The following MRAP2 variants were observed in gnomAD, a reference collection of about 807,000 sequenced individuals.
The protein encoded by MRAP2 is melanocortin 2 receptor accessory protein 2.
A neutral mutation model predicts 17.4 loss-of-function variants in MRAP2; 20 were observed. The ratio of observed to expected loss-of-function variants is 1.15; its 90% CI spans 0.81 to 1.67. The LOEUF (loss-of-function observed/expected upper bound fraction) is 1.67. Ranked by LOEUF, MRAP2 falls within the 40% of genes most tolerant of loss-of-function variation. MRAP2 has a pLI of 0.00. For missense variants in MRAP2, 238 were observed against 240.0 expected, an observed-to-expected ratio of 0.99 and a Z score of 0.05; for synonymous variants, 96 against 88.4, an observed-to-expected ratio of 1.09 and a Z score of -0.48.
At chr6:84,039,584 A>G (rs1372495753) in intron 1 of MRAP2, among the ~76,000 whole-genome samples, 2 of 152,228 alleles carry the variant, frequency 1.3e-5, no homozygotes, top group African/African-American at 4.8e-5. Flanking sequence ...TTAAAATCTG[A>G]GTTTAATTGT....
At chr6:84,118,476 C>T in the MRAP2 span, among the ~76,000 whole-genome samples, 1 of 152,170 alleles carries the variant, frequency 6.6e-6, no homozygotes, top group African/African-American at 2.4e-5. Flanking sequence ...TGGGAGGTCC[C>T]GCCCCATGAA....
At chr6:84,098,563 T>G in the MRAP2 span, among the ~76,000 whole-genome samples, 1 of 152,150 alleles carries the variant, frequency 6.6e-6, no homozygotes, top group Admixed American at 6.5e-5. Flanking sequence ...TCCAAAATGG[T>G]TGTATGATTT....
At chr6:84,071,811 A>G (rs1383331213) in intron 3 of MRAP2, among the ~76,000 whole-genome samples, 1 of 152,150 alleles carries the variant, frequency 6.6e-6, no homozygotes, top group Non-Finnish European at 1.5e-5. Context: ...GATTGGGTTA[A>G]TTCGAAGACC....
intron 1 of MRAP2, among the ~76,000 whole-genome samples, chr6:84,036,225 G>T (rs1402580467): frequency 6.6e-6 from 1 of 151,634 alleles, no homozygotes; most frequent in Non-Finnish European, 1.5e-5. Context: ...GAACCCACTG[G>T]TTACTTCAAG....
At chr6:84,109,792 C>A in the MRAP2 span, among the ~76,000 whole-genome samples, 1 of 151,538 alleles carries the variant, frequency 6.6e-6, no homozygotes, top group Non-Finnish European at 1.5e-5. Context: ...TGATGTTCCC[C>A]TCCCTGTGTC....
the MRAP2 span, among the ~76,000 whole-genome samples, chr6:84,096,188 G>C: frequency 1.1e-3 from 170 of 152,230 alleles, 1 homozygote; most frequent in African/African-American, 3.9e-3. Flanking sequence ...TACAGATGTT[G>C]TATGTATAGG....
chr6:84,108,062 TTAA>T, the MRAP2 span, among the ~76,000 whole-genome samples: 1 of 152,234 alleles, frequency 6.6e-6, no homozygotes, highest in Admixed American at 6.5e-5. Flanking sequence ...GCATTTAGTC[TTAA>T]TTATTATGCC....
chr6:84,062,050 T>A (rs2099493306), intron 2 of MRAP2: 1 of 985,296 alleles, frequency 1.0e-6, no homozygotes, highest in Non-Finnish European at 1.2e-6. Context: ...AGAGCCTGAA[T>A]TATCCATGGT....
the MRAP2 span, among the ~76,000 whole-genome samples, chr6:84,138,678 TAAAG>T: frequency 6.6e-6 from 1 of 151,694 alleles, no homozygotes; most frequent in African/African-American, 2.4e-5. Flanking sequence ...TAGATATTCT[TAAAG>T]TAAGAACTGT....
At chr6:84,126,364 G>A in the MRAP2 span, 2 of 1,560,564 alleles carry the variant, frequency 1.3e-6, no homozygotes, top group Non-Finnish European at 1.7e-6. Context: ...ATATGTAAAT[G>A]TGATTTACTT....
chr6:84,051,212 A>G (rs2099490331), intron 1 of MRAP2, among the ~76,000 whole-genome samples: 1 of 152,240 alleles, frequency 6.6e-6, no homozygotes, highest in African/African-American at 2.4e-5. Flanking sequence ...ATGTCTGAGT[A>G]CATCTCCTCA....
chr6:84,042,869 A>C (rs964889608), intron 1 of MRAP2, among the ~76,000 whole-genome samples: 23 of 152,238 alleles, frequency 1.5e-4, no homozygotes, highest in African/African-American at 5.3e-4. Context: ...CAAGCTCTTA[A>C]ATAAACCACT....
chr6:84,061,545 T>C lies in MRAP2; in HGVS notation c.128-1348T>C, dbSNP rs181346137. On this transcript the variant is annotated intron_variant, in intron 2 of 3. Coordinates refer to ENST00000257776, the MANE Select transcript of MRAP2 (RefSeq NM_138409.4). ...GGGTTCAAAGGAGGGAGACAACACA[T>C]CAATTATGGAAATTAGTTGAGGCTT... Among the ~76,000 whole-genome samples, 3 of 152,326 alleles carry C rather than the reference T, an allele frequency of 2.0e-5. No homozygotes were observed. In the East Asian group the frequency reaches 5.8e-4, roughly 29 times the overall value.
At chr6:84,044,015 A>G (rs971661732) in intron 1 of MRAP2, among the ~76,000 whole-genome samples, 1 of 152,150 alleles carries the variant, frequency 6.6e-6, no homozygotes, top group Non-Finnish European at 1.5e-5. Flanking sequence ...AGTTATAGTT[A>G]GAGTGATTGG....
At chr6:84,108,152 T>A in the MRAP2 span, among the ~76,000 whole-genome samples, 93 of 152,294 alleles carry the variant, frequency 6.1e-4, no homozygotes, top group Non-Finnish European at 9.6e-4. Context: ...ATTTAATATA[T>A]GTGTGCATGT....
chr6:84,087,204 G>A (rs1363480221), intron 3 of MRAP2, among the ~76,000 whole-genome samples: 3 of 152,172 alleles, frequency 2.0e-5, no homozygotes, highest in African/African-American at 4.8e-5. Flanking sequence ...ATGAGACATC[G>A]ATCAACATAT....
intron 1 of MRAP2, among the ~76,000 whole-genome samples, chr6:84,049,434 AC>A (rs1359570647): frequency 6.6e-6 from 1 of 152,138 alleles, no homozygotes; most frequent in African/African-American, 2.4e-5. Context: ...CAGAAAAAAA[AC>A]ACACAAAAAA....
At chr6:84,061,479 A>C (rs1272709729) in intron 2 of MRAP2, among the ~76,000 whole-genome samples, 4 of 152,236 alleles carry the variant, frequency 2.6e-5, no homozygotes, top group Admixed American at 2.0e-4. Context: ...GATAGGACCA[A>C]GGAGAGCCCT....
intron 3 of MRAP2, among the ~76,000 whole-genome samples, chr6:84,081,756 T>G (rs543001275): frequency 2.2e-4 from 33 of 152,286 alleles, no homozygotes; most frequent in African/African-American, 7.2e-4. Context: ...AGGCAGAGGT[T>G]GCAGTGAGCC....
Sources: gnomAD v4.1 joint callset for allele counts (sites outside exome capture counted in the v4.1 genomes callset) on GRCh38, gnomAD v4.1.1 for gene constraint, MANE v1.5 for transcripts, NCBI Gene and HGNC (gene_info 2026-07-23, HGNC 2026-07-21) for gene names.